WDFY3: variants seen among roughly 807,000 people sequenced by gnomAD.
WDFY3 encodes the protein WD repeat and FYVE domain-containing protein 3.
WDFY3 carries 66 observed loss-of-function variants against 409.6 expected under a neutral mutation model. The ratio of observed to expected loss-of-function variants is 0.16; its 90% CI spans 0.13 to 0.20. The LOEUF is 0.20. Ranked by LOEUF, WDFY3 falls within the 10% of genes least tolerant of loss-of-function variation. WDFY3 has a pLI of 1.00. For synonymous variants in WDFY3, 1,521 were observed against 1,537.1 expected (o/e 0.99, Z 0.25); for missense variants, 3,031 against 4,298.1 (o/e 0.71, Z 8.24).
intron 5 of WDFY3, 73 bp from the exon 6 acceptor site, chr4:84,841,336 C>T (rs934488390): frequency 1.5e-6 from 2 of 1,295,896 alleles, no homozygotes; most frequent in Admixed American, 2.4e-5. Context: ...TAAAACCTAC[C>T]AAGGAAATGA....
chr4:84,726,179 A>G (rs1190030974), intron 45 of WDFY3, among the ~76,000 whole-genome samples: 1 of 152,204 alleles, frequency 6.6e-6, no homozygotes, highest in Admixed American at 6.5e-5. Flanking sequence ...GGGCAAGACA[A>G]TGAATTAATA....
chr4:84,941,551 G>T (rs1288386355), intron 1 of WDFY3, among the ~76,000 whole-genome samples: 1 of 151,898 alleles, frequency 6.6e-6, no homozygotes, highest in Admixed American at 6.6e-5. Flanking sequence ...TAAATAGAGA[G>T]ATACTCTATG....
At chr4:84,845,223 C>A (rs866453353) in intron 5 of WDFY3, among the ~76,000 whole-genome samples, 7 of 152,124 alleles carry the variant, frequency 4.6e-5, no homozygotes, top group Non-Finnish European at 1.0e-4. Flanking sequence ...TGGTGAACAA[C>A]GAACACAGCC....
chr4:84,841,513 T>C (rs529780927), intron 5 of WDFY3, among the ~76,000 whole-genome samples: 5 of 152,204 alleles, frequency 3.3e-5, no homozygotes, highest in African/African-American at 1.2e-4. Flanking sequence ...CAAAAAGTCA[T>C]GAAAGAGGTG....
At chr4:84,921,336 G>A (rs2150859788) in intron 2 of WDFY3, among the ~76,000 whole-genome samples, 1 of 151,798 alleles carries the variant, frequency 6.6e-6, no homozygotes, top group South Asian at 2.1e-4. Flanking sequence ...AGAAGGGAAG[G>A]AAAATAAATG....
intron 3 of WDFY3, among the ~76,000 whole-genome samples, chr4:84,877,495 C>T (rs914225520): frequency 6.6e-6 from 1 of 152,128 alleles, no homozygotes; most frequent in Non-Finnish European, 1.5e-5. Flanking sequence ...GATGGGGTCT[C>T]ACTATGTTGC....
At chr4:84,737,399 T>G in intron 40 of WDFY3, 33 bp from the exon 41 acceptor site, 1 of 1,520,814 alleles carries the variant, frequency 6.6e-7, no homozygotes, top group Non-Finnish European at 8.8e-7. Flanking sequence ...AACAAAAAAG[T>G]AAGCAAATGA....
chr4:84,914,155 T>C (rs149947373), intron 2 of WDFY3, among the ~76,000 whole-genome samples: 2,436 of 152,122 alleles, frequency 0.016, 54 homozygotes, highest in African/African-American at 0.056. Flanking sequence ...GGTGTGGTGG[T>C]TCACACCTGT....
At chr4:84,862,604 T>G (rs1346958188) in intron 3 of WDFY3, among the ~76,000 whole-genome samples, 1 of 152,212 alleles carries the variant, frequency 6.6e-6, no homozygotes, top group Non-Finnish European at 1.5e-5. Context: ...ATAGTTCTGC[T>G]CCTTTTCCTT....
At chr4:84,709,985 G>A (rs1037076519) in intron 51 of WDFY3, among the ~76,000 whole-genome samples, 7 of 152,190 alleles carry the variant, frequency 4.6e-5, no homozygotes, top group Non-Finnish European at 4.4e-5. Context: ...GCCTCCCAAA[G>A]TGCTAGGATT....
At chr4:84,839,655 C>T (rs983902709) in intron 6 of WDFY3, among the ~76,000 whole-genome samples, 13 of 151,756 alleles carry the variant, frequency 8.6e-5, no homozygotes, top group Non-Finnish European at 1.2e-4. Flanking sequence ...GTCAGGAGTT[C>T]GGGACCAGCC....
Position 84,875,263 on chromosome 4 carries a change from AACACACACAC to A in WDFY3, c.-31-14651_-31-14642del, listed in dbSNP as rs58589086. 4.2e-4 allele frequency among the ~76,000 whole-genome samples: 58 copies of A among 137,578 alleles called. 1 individual carries two copies. The highest frequency in any genetic ancestry group is 4.9e-4 in the South Asian group (2 of 4,068). 90.3% of individuals were successfully genotyped at this position (137,578 alleles called of 152,430 possible). A position where few individuals can be genotyped will look rare whatever the true frequency, so the allele number is the denominator to read the frequency against. On this transcript the variant is annotated intron_variant, in intron 3 of 67. Coordinates refer to ENST00000295888, the MANE Select transcript of WDFY3 (RefSeq NM_014991.6). ...AGCCTGGGGTACCGAGCAAGACTCAAACACACACACACACACACACACACACACACACACA... is the reference window on the plus strand; with the variant it reads ...AGCCTGGGGTACCGAGCAAGACTCAAACACACACACACACACACACACACA...
chr4:84,744,852 CAAAAAAA>C (rs1165273561), intron 36 of WDFY3, among the ~76,000 whole-genome samples: 492 of 15,690 alleles, frequency 0.031, 4 homozygotes, highest in African/African-American at 0.11. Context: ...GACTCCGTCT[CAAAAAAA>C]AAAAAAAAAA....
At chr4:84,820,436 T>C (rs1753890847) in intron 11 of WDFY3, among the ~76,000 whole-genome samples, 1 of 151,984 alleles carries the variant, frequency 6.6e-6, no homozygotes. Context: ...AAAATGAAAA[T>C]GCAAAGGTTA....
At chr4:84,908,262 GA>G (rs1767308517) in intron 2 of WDFY3, among the ~76,000 whole-genome samples, 1 of 152,082 alleles carries the variant, frequency 6.6e-6, no homozygotes, top group Non-Finnish European at 1.5e-5. Context: ...ATGATGGCCT[GA>G]AATATCTTAG....
At position 84,798,725 on chromosome 4, in the gene WDFY3, A is replaced by G. The variant is rs565414172; in HGVS notation, c.2823-617T>C. Among the ~76,000 whole-genome samples the G allele has an allele frequency of 5.9e-5, 9 of 152,256 alleles. No homozygotes were observed. The South Asian group carries it at 1.9e-3, about 32-fold the overall frequency. ...CTTTTCTCTCATTCTTGCTGCTATC[A>G]CCCAGACCATATTATTTTACTATTC... On this transcript the variant is annotated intron_variant, in intron 17 of 67. Coordinates refer to ENST00000295888, the MANE Select transcript of WDFY3 (RefSeq NM_014991.6).
At chr4:84,832,462 T>A (rs1283472205) in intron 7 of WDFY3, among the ~76,000 whole-genome samples, 1 of 152,148 alleles carries the variant, frequency 6.6e-6, no homozygotes, top group Non-Finnish European at 1.5e-5. Flanking sequence ...TGTATATTTT[T>A]AAATAGGTAG....
intron 3 of WDFY3, among the ~76,000 whole-genome samples, chr4:84,881,489 A>G (rs1338653012): frequency 6.6e-6 from 1 of 152,090 alleles, no homozygotes; most frequent in African/African-American, 2.4e-5. Context: ...CTGTCAAATT[A>G]CATTCCTTTT....
intron 24 of WDFY3, 107 bp downstream of exon 24, chr4:84,785,872 G>T: frequency 7.4e-7 from 1 of 1,346,480 alleles, no homozygotes; most frequent in Non-Finnish European, 1.0e-6. Context: ...TACATGAAAG[G>T]CATGATTTTT....
Sources: gnomAD v4.1 joint callset for allele counts (sites outside exome capture counted in the v4.1 genomes callset) on GRCh38, gnomAD v4.1.1 for gene constraint, MANE v1.5 for transcripts, NCBI Gene and HGNC (gene_info 2026-07-23, HGNC 2026-07-21) for gene names.